The following CNTN1 variants were observed in gnomAD, a reference collection of about 807,000 sequenced individuals.
The protein encoded by CNTN1 is contactin-1.
CNTN1 carries 38 observed loss-of-function variants against 126.4 expected under a neutral mutation model. That is an observed-to-expected ratio of 0.30 (90% CI 0.23 to 0.39). The LOEUF (loss-of-function observed/expected upper bound fraction) is 0.39, where lower values mean the gene tolerates loss of function less well. Among genes scored for constraint, CNTN1 ranks in the 10% least tolerant of loss-of-function variants. The probability of loss-of-function intolerance (pLI) is 1.00; values close to 1 mark genes in which losing one functional copy is unlikely to be tolerated. For synonymous variants in CNTN1, 413 were observed against 422.6 expected (o/e 0.98, Z 0.28); for missense variants, 1,009 against 1,248.4 (o/e 0.81, Z 2.89).
At chr12:41,027,026 A>G (rs959599341) in intron 21 of CNTN1, among the ~76,000 whole-genome samples, 2 of 152,142 alleles carry the variant, frequency 1.3e-5, no homozygotes, top group African/African-American at 4.8e-5. Context: ...CTGCTTGAGA[A>G]ACTAGGGGGT....
intron 14 of CNTN1, among the ~76,000 whole-genome samples, chr12:40,957,262 C>T (rs1456076401): frequency 1.3e-5 from 2 of 151,468 alleles, no homozygotes; most frequent in African/African-American, 2.4e-5. Flanking sequence ...TATTTATTTC[C>T]AAGAGAAAGA....
At chr12:40,752,509 C>T (rs1005783393) in intron 1 of CNTN1, among the ~76,000 whole-genome samples, 4 of 152,006 alleles carry the variant, frequency 2.6e-5, no homozygotes, top group East Asian at 1.9e-4. Context: ...AAAATATCTA[C>T]GTAGAGGATC....
intron 1 of CNTN1, among the ~76,000 whole-genome samples, chr12:40,848,015 CA>C (rs1424805492): frequency 1.5e-4 from 23 of 152,202 alleles, no homozygotes; most frequent in Admixed American, 1.5e-3. Context: ...GACAGGAGCT[CA>C]GGCAGCAATG....
In CNTN1 at chr12:40,800,186, G is replaced by A. The variant is rs1940592521; in HGVS notation, c.-77+107594G>A. Among the ~76,000 whole-genome samples the A allele has an allele frequency of 2.0e-5, 3 of 151,820 alleles. 1 individual carries two copies. Among genetic ancestry groups the A allele is most frequent in the South Asian group, 4.1e-4 (2 of 4,836 alleles). On this transcript the variant is annotated intron_variant, in intron 1 of 23. Coordinates refer to ENST00000551295, the MANE Select transcript of CNTN1 (RefSeq NM_001843.4). ...TGTTCTCATGACAGTGAGTTCTCAC[G>A]ACATCTGATGGTTTTATAAGTGTCT...
intron 1 of CNTN1, among the ~76,000 whole-genome samples, chr12:40,874,857 TG>T (rs1357892352): frequency 6.6e-6 from 1 of 152,220 alleles, no homozygotes; most frequent in African/African-American, 2.4e-5. Flanking sequence ...GATTTACATA[TG>T]TTGAATCATT....
At chr12:41,007,631 C>T (rs558202364) in intron 17 of CNTN1, among the ~76,000 whole-genome samples, 190 of 152,198 alleles carry the variant, frequency 1.2e-3, no homozygotes, top group Non-Finnish European at 2.3e-3. Flanking sequence ...TTTGAGGAGG[C>T]GGTGCCTGAT....
At position 41,060,578 on chromosome 12, in the gene CNTN1, T is replaced by A. The variant is rs1003703786; in HGVS notation, c.2981-9381T>A. ...GGCTGAGAAAAGTTACTCCTGGTGA[T>A]AACTCAGTGTATTTCACAAAGTTGG... is the stretch of plus-strand genomic sequence containing the variant. On this transcript the variant is annotated intron_variant, in intron 23 of 23. Transcript: ENST00000551295. Among the ~76,000 whole-genome samples, 3 of 152,332 alleles carry A rather than the reference T, an allele frequency of 2.0e-5. No individual in the cohort carries two copies. In the East Asian group the frequency reaches 5.8e-4, roughly 29 times the overall value.
intron 1 of CNTN1, 97 bp from the exon 2 acceptor site, chr12:40,908,260 T>TCCTTC: frequency 1.7e-6 from 1 of 576,512 alleles, no homozygotes; most frequent in Non-Finnish European, 3.1e-6. Context: ...ATTTCCAATT[T>TCCTTC]CCTTCCCTTT....
intron 23 of CNTN1, among the ~76,000 whole-genome samples, chr12:41,042,779 A>G: frequency 6.6e-6 from 1 of 152,174 alleles, no homozygotes; most frequent in Admixed American, 6.6e-5. Flanking sequence ...CCAAAACAGC[A>G]TGGTACTGGT....
At chr12:40,916,890 C>T (rs1289493834) in intron 3 of CNTN1, among the ~76,000 whole-genome samples, 1 of 151,990 alleles carries the variant, frequency 6.6e-6, no homozygotes, top group East Asian at 1.9e-4. Flanking sequence ...GATTCTGATC[C>T]AGCTATTTCC....
chr12:40,773,682 TATATATATATACAC>T (rs1565715937), intron 1 of CNTN1, among the ~76,000 whole-genome samples: 9 of 8,710 alleles, frequency 1.0e-3, no homozygotes, highest in Admixed American at 4.4e-3. Context: ...TACACATATA[TATATATATATACAC>T]ATATATATAT....
At chr12:40,818,616 G>A (rs969244428) in intron 1 of CNTN1, among the ~76,000 whole-genome samples, 3 of 152,124 alleles carry the variant, frequency 2.0e-5, no homozygotes, top group Non-Finnish European at 2.9e-5. Flanking sequence ...GTTAGAACAT[G>A]CTCCTTTAGC....
At chr12:41,037,268 A>G (rs758650725) in intron 23 of CNTN1, among the ~76,000 whole-genome samples, 3 of 152,224 alleles carry the variant, frequency 2.0e-5, no homozygotes, top group Admixed American at 6.5e-5. Flanking sequence ...AAAATAATAC[A>G]TATAAGGTCA....
chr12:40,869,534 T>A (rs1473341289), intron 1 of CNTN1, among the ~76,000 whole-genome samples: 1 of 152,112 alleles, frequency 6.6e-6, no homozygotes, highest in African/African-American at 2.4e-5. Context: ...CCTCCCAAAG[T>A]GCTGGGATTA....
At chr12:40,701,950 G>T (rs1365053963) in intron 1 of CNTN1, among the ~76,000 whole-genome samples, 2 of 152,124 alleles carry the variant, frequency 1.3e-5, no homozygotes, top group East Asian at 3.8e-4. Context: ...AATCTTGTCA[G>T]CACCCAGGTA....
chr12:40,974,711 G>A (rs1019272574), intron 15 of CNTN1, among the ~76,000 whole-genome samples: 7 of 152,052 alleles, frequency 4.6e-5, no homozygotes, highest in South Asian at 2.1e-4. Flanking sequence ...CTGGGTGAAC[G>A]TGGCCATTTT....
chr12:41,015,776 G>T (rs565091774), intron 18 of CNTN1, among the ~76,000 whole-genome samples: 1 of 151,190 alleles, frequency 6.6e-6, no homozygotes, highest in African/African-American at 2.4e-5. Flanking sequence ...TGCCAAAAAA[G>T]GCTAACTGAC....
At position 41,070,168 on chromosome 12, in the gene CNTN1, T is replaced by A; in HGVS notation, c.*133T>A. 1.3e-6 allele frequency: 1 copy of A among 790,006 alleles called. No homozygotes were observed. Among genetic ancestry groups the A allele is most frequent in the Non-Finnish European group, 2.2e-6 (1 of 460,602 alleles). The allele number at this position is 790,006 out of a possible 1,614,324, so 48.9% of individuals were successfully genotyped here. On this transcript the variant is annotated 3_prime_UTR_variant, in exon 24 of 24. Coordinates refer to ENST00000551295, the MANE Select transcript of CNTN1 (RefSeq NM_001843.4). ...ATTATACTTTAACAAACTATTCAAC[T>A]GATTTACAACACACATGATGACTGA...
At chr12:41,018,100 A>AT (rs1555199861) in intron 19 of CNTN1, among the ~76,000 whole-genome samples, 47 of 150,860 alleles carry the variant, frequency 3.1e-4, no homozygotes, top group Non-Finnish European at 5.8e-4. Flanking sequence ...CAAAAAAAAA[A>AT]AATAATAATA....
Sources: allele counts gnomAD v4.1 joint callset (sites outside exome capture counted in the v4.1 genomes callset), GRCh38; gene constraint gnomAD v4.1.1; transcripts MANE v1.5; gene names NCBI Gene and HGNC (gene_info 2026-07-23, HGNC 2026-07-21).